The following SHLD1 variants were observed in gnomAD, a reference collection of about 807,000 sequenced individuals.
SHLD1 encodes RINN1-REV7-interacting novel NHEJ regulator 3.
A neutral mutation model predicts 5.5 loss-of-function variants in SHLD1; 3 were observed. The observed-to-expected ratio is 0.54, with a 90% CI of 0.25 to 1.40. The LOEUF (loss-of-function observed/expected upper bound fraction) is 1.40. Among genes scored for constraint, SHLD1 ranks in the 40% most tolerant of loss-of-function variants. SHLD1 has a pLI of 0.15. For missense variants in SHLD1, 210 were observed against 244.4 expected (o/e 0.86, Z 0.94); for synonymous variants, 92 against 94.3 (o/e 0.98, Z 0.14).
chr20:5,809,280 T>G (rs1351849906), intron 2 of SHLD1, among the ~76,000 whole-genome samples: 1 of 152,104 alleles, frequency 6.6e-6, no homozygotes, highest in Admixed American at 6.5e-5. Flanking sequence ...AAATACTAAC[T>G]ATGGTTTAGA....
rs189366560 is a variant in SHLD1, at chr20:5,837,561, C to T, written c.179-25463C>T. Among the ~76,000 whole-genome samples the T allele has an allele frequency of 2.1e-3, 322 of 151,872 alleles. 4 individuals are homozygous for T. Among genetic ancestry groups the T allele is most frequent in the African/African-American group, 7.3e-3 (303 of 41,402 alleles). ...GCTCCCACTTATAAGTGAGAACATG[C>T]GGTGTTTGGTTTTCTGTTCCTGCAT... is the stretch of plus-strand genomic sequence containing the variant. On this transcript the variant is annotated intron_variant, in intron 2 of 2. Coordinates refer to ENST00000303142, the MANE Select transcript of SHLD1 (RefSeq NM_152504.4).
intron 2 of SHLD1, among the ~76,000 whole-genome samples, chr20:5,852,015 T>C (rs1382652834): frequency 6.6e-6 from 1 of 151,876 alleles, no homozygotes; most frequent in African/African-American, 2.4e-5. Flanking sequence ...CACCCCACTC[T>C]CTCTCTTGCT....
At chr20:5,853,447 AAAAT>A (rs1205337644) in intron 2 of SHLD1, among the ~76,000 whole-genome samples, 1 of 152,182 alleles carries the variant, frequency 6.6e-6, no homozygotes, top group Admixed American at 6.6e-5. Context: ...CTCCATCTCA[AAAAT>A]AAATAAATAA....
intron 2 of SHLD1, among the ~76,000 whole-genome samples, chr20:5,836,995 G>C (rs139149085): frequency 6.6e-6 from 1 of 152,116 alleles, no homozygotes; most frequent in Non-Finnish European, 1.5e-5. Context: ...GCAGAGGAAG[G>C]CATCCTAGAA....
chr20:5,847,906 T>C (rs947786561), intron 2 of SHLD1, among the ~76,000 whole-genome samples: 2 of 152,208 alleles, frequency 1.3e-5, no homozygotes, highest in Non-Finnish European at 2.9e-5. Context: ...GGAGAAAGTC[T>C]CCTGATACAT....
intron 2 of SHLD1, among the ~76,000 whole-genome samples, chr20:5,846,575 A>G (rs951849114): frequency 6.6e-6 from 1 of 152,244 alleles, no homozygotes; most frequent in Admixed American, 6.5e-5. Context: ...ATGAAAGTTT[A>G]AAAACCACTG....
intron 2 of SHLD1, among the ~76,000 whole-genome samples, chr20:5,784,802 C>T (rs1568501337): frequency 6.6e-6 from 1 of 152,134 alleles, no homozygotes; most frequent in Non-Finnish European, 1.5e-5. Flanking sequence ...TGACATCTCT[C>T]GTTGTTCCTC....
intron 2 of SHLD1, among the ~76,000 whole-genome samples, chr20:5,819,998 A>C (rs1294708): frequency 0.61 from 92,902 of 152,028 alleles, 30,401 homozygotes; most frequent in Non-Finnish European, 0.74. Flanking sequence ...GACAGGCTGG[A>C]GTGCAGTGCT....
chr20:5,850,560 G>T (rs1221491828), intron 2 of SHLD1, among the ~76,000 whole-genome samples: 12 of 150,912 alleles, frequency 8.0e-5, no homozygotes, highest in African/African-American at 2.7e-4. Context: ...GCCCAAGTGG[G>T]AGTGCAGTGG....
At chr20:5,817,394 TTCTCTCTCTCTCTCTCTCTC>T (rs144955343) in intron 2 of SHLD1, among the ~76,000 whole-genome samples, 2 of 75,868 alleles carry the variant, frequency 2.6e-5, no homozygotes, top group South Asian at 7.9e-4. Context: ...ACGGGATATT[TTCTCTCTCTCTCTCTCTCTC>T]TCTCTCTCTC....
intron 2 of SHLD1, among the ~76,000 whole-genome samples, chr20:5,811,839 A>G (rs889218036): frequency 1.3e-5 from 2 of 150,066 alleles, no homozygotes; most frequent in African/African-American, 4.9e-5. Flanking sequence ...CTGGGCAACA[A>G]TGTGAAACTG....
intron 2 of SHLD1, among the ~76,000 whole-genome samples, chr20:5,834,852 G>A (rs2087771436): frequency 6.6e-6 from 1 of 152,138 alleles, no homozygotes; most frequent in Non-Finnish European, 1.5e-5. Context: ...GTTCACAGAG[G>A]GCACCTTCTA....
At position 5,808,387 on chromosome 20, in the gene SHLD1, TAGAC is replaced by T. The variant is rs150858446; in HGVS notation, c.178+35346_178+35349del. 6.1e-3 allele frequency among the ~76,000 whole-genome samples: 932 copies of T among 152,334 alleles called. 6 individuals are homozygous for T. The highest frequency in any genetic ancestry group is 0.021 in the African/African-American group (871 of 41,558). On this transcript the variant is annotated intron_variant, in intron 2 of 2. Transcript: ENST00000303142. ...ACAGATCTATATACATAAATATAGA[TAGAC>T]ATACATACATATGTACATGTGTATA...
At chr20:5,822,791 T>G (rs1942032424) in intron 2 of SHLD1, among the ~76,000 whole-genome samples, 2 of 151,986 alleles carry the variant, frequency 1.3e-5, no homozygotes, top group Admixed American at 1.3e-4. Context: ...CTTGGCTACA[T>G]ACAAAGATGA....
intron 2 of SHLD1, among the ~76,000 whole-genome samples, chr20:5,841,172 TG>T (rs2087854403): frequency 1.8e-5 from 1 of 55,652 alleles, no homozygotes; most frequent in Admixed American, 1.7e-4. Flanking sequence ...AAATAGCGAG[TG>T]TGTGTGTGTG....
chr20:5,774,059 C>G (rs1332088091), intron 2 of SHLD1, among the ~76,000 whole-genome samples: 1 of 151,990 alleles, frequency 6.6e-6, no homozygotes, highest in African/African-American at 2.4e-5. Context: ...CAAAAATTAG[C>G]CAGGTGTGGT....
chr20:5,778,155 C>T (rs1469773914), intron 2 of SHLD1, among the ~76,000 whole-genome samples: 5 of 131,042 alleles, frequency 3.8e-5, no homozygotes, highest in Non-Finnish European at 6.2e-5. Context: ...CTCGTTCTGT[C>T]GCCCAGGCTG....
chr20:5,762,231 G>A (rs1477297054), intron 1 of SHLD1, among the ~76,000 whole-genome samples: 10 of 151,288 alleles, frequency 6.6e-5, no homozygotes, highest in Admixed American at 6.6e-4. Flanking sequence ...GTGACAGAGT[G>A]AGACTCTGTC....
chr20:5,750,207 AT>A (rs958644198), upstream of SHLD1, among the ~76,000 whole-genome samples: 30 of 152,104 alleles, frequency 2.0e-4, no homozygotes, highest in South Asian at 1.9e-3. Flanking sequence ...TACCAAGCAC[AT>A]TTATCGACAA....
Sources: allele counts gnomAD v4.1 joint callset (sites outside exome capture counted in the v4.1 genomes callset), GRCh38; gene constraint gnomAD v4.1.1; transcripts MANE v1.5; gene names NCBI Gene and HGNC (gene_info 2026-07-23, HGNC 2026-07-21).